The following OSBPL6 variants were observed in gnomAD, a reference collection of about 807,000 sequenced individuals.
The protein encoded by OSBPL6 is oxysterol-binding protein-related protein 6.
A neutral mutation model predicts 125.8 loss-of-function variants in OSBPL6; 49 were observed. The ratio of observed to expected loss-of-function variants is 0.39; its 90% CI spans 0.31 to 0.49. The LOEUF is 0.49. Among genes scored for constraint, OSBPL6 ranks in the 20% least tolerant of loss-of-function variants. OSBPL6 has a pLI of 0.88. For synonymous variants in OSBPL6, 394 were observed against 391.8 expected (o/e 1.01, Z -0.07); for missense variants, 986 against 1,135.4 (o/e 0.87, Z 1.89).
At chr2:178,193,858 C>A (rs2088665569), upstream of OSBPL6, among the ~76,000 whole-genome samples, 1 of 152,164 alleles carries the variant, frequency 6.6e-6, no homozygotes, top group Non-Finnish European at 1.5e-5. Flanking sequence ...CTCTTCCTTT[C>A]GCAGAACCCA....
intron 1 of OSBPL6, among the ~76,000 whole-genome samples, chr2:178,274,803 A>G (rs2092436969): frequency 6.6e-6 from 1 of 152,230 alleles, no homozygotes; most frequent in Non-Finnish European, 1.5e-5. Context: ...TCCACTCAAC[A>G]GTATGTTTCA....
In OSBPL6 at chr2:178,306,111, T is replaced by C. The variant is rs1686735897; in HGVS notation, c.-74T>C. 1.1e-6 allele frequency: 1 copy of C among 928,034 alleles called. No homozygotes were observed. The highest frequency in any genetic ancestry group is 1.4e-5 in the South Asian group (1 of 70,678). The allele number at this position is 928,034 out of a possible 1,614,324, so 57.5% of individuals were successfully genotyped here. A position where few individuals can be genotyped will look rare whatever the true frequency, so the allele number is the denominator to read the frequency against. Reference sequence around the variant, plus strand: ...AATGGAATGAAGCTGAAAAATCATCTACTTCTTTGTTTGTGGATTTGAGAG... The same window carrying C: ...AATGGAATGAAGCTGAAAAATCATCCACTTCTTTGTTTGTGGATTTGAGAG... On this transcript the variant is annotated 5_prime_UTR_variant, in exon 3 of 25. Coordinates refer to ENST00000190611, the MANE Select transcript of OSBPL6 (RefSeq NM_032523.4).
chr2:178,320,151 C>T, intron 3 of OSBPL6: 2 of 1,137,854 alleles, frequency 1.8e-6, no homozygotes, highest in Non-Finnish European at 2.4e-6. Flanking sequence ...TGAGTTGCAC[C>T]AAACCATTCA....
chr2:178,275,381 G>A (rs1284033316), intron 1 of OSBPL6, among the ~76,000 whole-genome samples: 3 of 152,062 alleles, frequency 2.0e-5, no homozygotes, highest in African/African-American at 7.2e-5. Context: ...GCATGGTGAT[G>A]GGCGCCTGTA....
Position 178,328,296 on chromosome 2 carries a change from G to T in OSBPL6, c.236G>T (p.Gly79Val). 1 of 1,613,834 alleles carries T rather than the reference G, an allele frequency of 6.2e-7. No homozygotes were observed. Among genetic ancestry groups the T allele is most frequent in the Non-Finnish European group, 8.5e-7 (1 of 1,179,814 alleles). ...GAAATTATAGAAGGGCTGAAAATAG[G>T]CCAAACCAATGTCCAGAAACCAGAC... Reference protein sequence around the residue: ...SWEIIEGLKIGQTNVQKPDKH... With the variant: ...SWEIIEGLKIVQTNVQKPDKH... The change falls in exon 5 of 25, where the codon GGC (glycine) becomes GTC (valine). Residue 79 changes from glycine to valine, a missense_variant. Transcript: ENST00000190611.
chr2:178,230,519 A>G (rs2090772658), intron 1 of OSBPL6: 1 of 152,222 alleles, frequency 6.6e-6, no homozygotes. Flanking sequence ...CAAAGGTACT[A>G]TGAAATATGT....
At chr2:178,315,275 C>T (rs1371903205) in intron 3 of OSBPL6, among the ~76,000 whole-genome samples, 1 of 152,172 alleles carries the variant, frequency 6.6e-6, no homozygotes, top group Non-Finnish European at 1.5e-5. Flanking sequence ...ATCTCTGTCA[C>T]TGTTGCATGG....
intron 11 of OSBPL6, among the ~76,000 whole-genome samples, chr2:178,347,964 T>C (rs953561125): frequency 2.0e-5 from 3 of 152,158 alleles, no homozygotes; most frequent in African/African-American, 7.2e-5. Flanking sequence ...GAGAAATAAA[T>C]CCCTGCCAGG....
At chr2:178,333,154 G>C (rs1235335878) in intron 8 of OSBPL6, 113 bp downstream of exon 8, 3 of 1,143,764 alleles carry the variant, frequency 2.6e-6, no homozygotes, top group Non-Finnish European at 3.8e-6. Flanking sequence ...AGGCCAAGGC[G>C]GGTGGATCGC....
intron 1 of OSBPL6, among the ~76,000 whole-genome samples, chr2:178,272,683 A>G (rs1178786373): frequency 6.6e-6 from 1 of 152,170 alleles, no homozygotes; most frequent in Non-Finnish European, 1.5e-5. Flanking sequence ...TATCTTTTTA[A>G]CTGAAGTCTT....
chr2:178,204,362 G>T (rs1342339463), intron 1 of OSBPL6, among the ~76,000 whole-genome samples: 1 of 152,138 alleles, frequency 6.6e-6, no homozygotes. Flanking sequence ...CAGATCTCTG[G>T]AAATCTCTCT....
chr2:178,304,178 A>AT (rs879851029), intron 2 of OSBPL6, among the ~76,000 whole-genome samples: 4 of 152,186 alleles, frequency 2.6e-5, no homozygotes, highest in African/African-American at 4.8e-5. Context: ...TCATGTCGTC[A>AT]TATGGCAGGA....
chr2:178,237,902 C>A (rs1335920897), intron 1 of OSBPL6, among the ~76,000 whole-genome samples: 1 of 152,168 alleles, frequency 6.6e-6, no homozygotes, highest in Non-Finnish European at 1.5e-5. Context: ...GGACCACTCA[C>A]TTCTTATCTC....
chr2:178,311,116 C>G (rs1471430852), intron 3 of OSBPL6, among the ~76,000 whole-genome samples: 1 of 152,200 alleles, frequency 6.6e-6, no homozygotes, highest in African/African-American at 2.4e-5. Context: ...TGACCACTGT[C>G]TACGATGCCA....
rs529407069 is a variant in OSBPL6, at chr2:178,228,452, G to A, written c.-351+33778G>A. Among the ~76,000 whole-genome samples, 23 of 152,300 alleles carry A rather than the reference G, an allele frequency of 1.5e-4. No individual in the cohort carries two copies. The South Asian group carries it at 2.7e-3, about 18-fold the overall frequency. On this transcript the variant is annotated intron_variant, in intron 1 of 24. Coordinates refer to ENST00000190611, the MANE Select transcript of OSBPL6 (RefSeq NM_032523.4). ...CGGGAGGCTGAGGCAGAAGAATGGC[G>A]TGAAGCCGGGAGGTGGAGCTTGCAG...
At chr2:178,262,927 T>G (rs1477645477) in intron 1 of OSBPL6, among the ~76,000 whole-genome samples, 3 of 152,116 alleles carry the variant, frequency 2.0e-5, no homozygotes, top group African/African-American at 7.2e-5. Context: ...AAATTTAGAG[T>G]TGGAAAAAGT....
At chr2:178,350,445 T>A (rs1001404908) in intron 12 of OSBPL6, among the ~76,000 whole-genome samples, 30 of 152,216 alleles carry the variant, frequency 2.0e-4, no homozygotes, top group Admixed American at 2.0e-3. Context: ...TCCCTGAGAC[T>A]CAACAGCCTG....
rs538145240 is a variant in OSBPL6 at position 178,306,127 on chromosome 2, G to T, written c.-58G>T. 1.8e-4 allele frequency: 192 copies of T among 1,047,110 alleles called. No homozygotes were observed. The African/African-American group carries it at 2.9e-3, about 16-fold the overall frequency. 64.9% of individuals were successfully genotyped at this position (1,047,110 alleles called of 1,614,324 possible). ...AAAATCATCTACTTCTTTGTTTGTG[G>T]ATTTGAGAGAAGATTGGGATGGTCT... On this transcript the variant is annotated 5_prime_UTR_variant, in exon 3 of 25. Transcript: ENST00000190611.
chr2:178,320,147 G>A (rs1458759882), intron 3 of OSBPL6: 12 of 1,058,066 alleles, frequency 1.1e-5, no homozygotes, highest in Non-Finnish European at 1.4e-5. Flanking sequence ...CGCGTGAGTT[G>A]CACCAAACCA....
Sources: allele counts gnomAD v4.1 joint callset (sites outside exome capture counted in the v4.1 genomes callset), GRCh38; gene constraint gnomAD v4.1.1; transcripts MANE v1.5; gene names NCBI Gene and HGNC (gene_info 2026-07-23, HGNC 2026-07-21).